Variants in CADM2 observed in about 807,000 individuals in gnomAD.
CADM2 encodes the protein immunoglobulin superfamily member 4D.
In CADM2, 12 loss-of-function variants were observed where a neutral mutation model predicts 49.8. The observed-to-expected ratio is 0.24, with a 90% CI of 0.15 to 0.39. The LOEUF is 0.39. CADM2 is among the 10% of genes least tolerant of loss of function. The probability of loss-of-function intolerance (pLI) is 1.00; values close to 1 mark genes in which losing one functional copy is unlikely to be tolerated. For synonymous variants in CADM2, 214 were observed against 175.4 expected (o/e 1.22, Z -1.74); for missense variants, 378 against 492.3 (o/e 0.77, Z 2.20).
chr3:85,916,438 T>A (rs2108491651), intron 6 of CADM2, among the ~76,000 whole-genome samples: 1 of 151,702 alleles, frequency 6.6e-6, no homozygotes, highest in South Asian at 2.1e-4. Flanking sequence ...TTTTTGTCCT[T>A]GAGATAGTTT....
chr3:85,605,402 G>A (rs1475365702), intron 1 of CADM2, among the ~76,000 whole-genome samples: 1 of 151,972 alleles, frequency 6.6e-6, no homozygotes, highest in Non-Finnish European at 1.5e-5. Flanking sequence ...TTAAGAACTT[G>A]GGTCATTTCT....
intron 8 of CADM2, among the ~76,000 whole-genome samples, chr3:85,971,866 C>T (rs2875508): frequency 0.048 from 7,283 of 151,598 alleles, 266 homozygotes; most frequent in East Asian, 0.13. Context: ...TGACAGTTAC[C>T]GCCTACAGTT....
intron 3 of CADM2, among the ~76,000 whole-genome samples, chr3:85,855,621 C>CATATATATATATATATATATATATATAT (rs142144366): frequency 5.6e-5 from 3 of 53,988 alleles, no homozygotes; most frequent in African/African-American, 1.4e-4. Flanking sequence ...ATATATAAAA[C>CATATATATATATATATATATATATATAT]ATATATATAT....
chr3:85,703,083 A>G (rs1413676941), intron 1 of CADM2, among the ~76,000 whole-genome samples: 1 of 152,206 alleles, frequency 6.6e-6, no homozygotes, highest in African/African-American at 2.4e-5. Context: ...CATGTAGACA[A>G]ATATATAAAT....
intron 2 of CADM2, among the ~76,000 whole-genome samples, chr3:85,774,075 T>G (rs1226349191): frequency 2.6e-5 from 4 of 151,892 alleles, no homozygotes; most frequent in Non-Finnish European, 4.4e-5. Flanking sequence ...ATCCTTTATC[T>G]ACATTTTTAA....
At chr3:85,817,008 G>T (rs2073248774) in intron 3 of CADM2, among the ~76,000 whole-genome samples, 1 of 152,086 alleles carries the variant, frequency 6.6e-6, no homozygotes, top group Non-Finnish European at 1.5e-5. Context: ...TTTAAATTGT[G>T]TGAGCATGAA....
At chr3:85,556,797 G>A (rs963038946) in intron 1 of CADM2, among the ~76,000 whole-genome samples, 15 of 152,086 alleles carry the variant, frequency 9.9e-5, no homozygotes, top group Admixed American at 9.2e-4. Flanking sequence ...GCAACTATAT[G>A]TTGATTTACA....
intron 1 of CADM2, among the ~76,000 whole-genome samples, chr3:85,635,811 A>G (rs1489529670): frequency 2.6e-5 from 4 of 152,210 alleles, no homozygotes; most frequent in Non-Finnish European, 4.4e-5. Context: ...CATGCACAGT[A>G]TAATGATATT....
At chr3:85,111,138 T>C (rs879518656) in intron 1 of CADM2, among the ~76,000 whole-genome samples, 1 of 151,910 alleles carries the variant, frequency 6.6e-6, no homozygotes, top group Admixed American at 6.6e-5. Flanking sequence ...AGTATCTGCT[T>C]TCCTTCTTGT....
chr3:85,094,023 T>C (rs1018322891), intron 1 of CADM2, among the ~76,000 whole-genome samples: 3 of 152,200 alleles, frequency 2.0e-5, no homozygotes, highest in South Asian at 4.1e-4. Flanking sequence ...ACTAGTGTAA[T>C]AGGTTTCCAT....
At chr3:85,232,662 GTGAAAAAAAAC>G (rs908790694) in intron 1 of CADM2, among the ~76,000 whole-genome samples, 2 of 151,236 alleles carry the variant, frequency 1.3e-5, no homozygotes, top group Non-Finnish European at 2.9e-5. Context: ...GAATAAACAT[GTGAAAAAAAAC>G]ACCCTATATT....
chr3:85,715,205 T>G (rs2067247716), intron 1 of CADM2, among the ~76,000 whole-genome samples: 1 of 152,240 alleles, frequency 6.6e-6, no homozygotes, highest in Non-Finnish European at 1.5e-5. Flanking sequence ...CTCTTAGTGG[T>G]AGATACCATC....
chr3:85,115,273 A>C (rs1471776586), intron 1 of CADM2, among the ~76,000 whole-genome samples: 2 of 152,200 alleles, frequency 1.3e-5, no homozygotes, highest in African/African-American at 4.8e-5. Flanking sequence ...GCAGAATTTT[A>C]AAATGACCCT....
intron 1 of CADM2, among the ~76,000 whole-genome samples, chr3:85,251,386 C>A (rs2042771487): frequency 6.6e-6 from 1 of 151,692 alleles, no homozygotes; most frequent in South Asian, 2.1e-4. Context: ...GTTACAGAAA[C>A]AGATAAAAAT....
At chr3:85,962,626 C>A (rs373481968) in intron 8 of CADM2, among the ~76,000 whole-genome samples, 1 of 151,906 alleles carries the variant, frequency 6.6e-6, no homozygotes, top group African/African-American at 2.4e-5. Context: ...TGAATTTTTA[C>A]GAGATTGATG....
intron 8 of CADM2, chr3:85,979,036 C>A: frequency 1.0e-6 from 1 of 992,522 alleles, no homozygotes; most frequent in Non-Finnish European, 1.5e-6. Context: ...AGTTTTGTAC[C>A]TGATATTCTG....
At chr3:85,855,119 C>G (rs1358167305) in intron 3 of CADM2, among the ~76,000 whole-genome samples, 1 of 152,116 alleles carries the variant, frequency 6.6e-6, no homozygotes, top group Non-Finnish European at 1.5e-5. Flanking sequence ...CTTTCCTCCA[C>G]TCTCCAGAAC....
chr3:85,306,439 T>C (rs566786333), intron 1 of CADM2, among the ~76,000 whole-genome samples: 2 of 151,738 alleles, frequency 1.3e-5, no homozygotes, highest in Non-Finnish European at 3.0e-5. Context: ...TATTGAATAG[T>C]ATTAAGTTAC....
intron 1 of CADM2, among the ~76,000 whole-genome samples, chr3:85,645,293 TG>T (rs2064848977): frequency 3.3e-5 from 5 of 152,202 alleles, no homozygotes; most frequent in African/African-American, 1.2e-4. Flanking sequence ...ATGACAAAAT[TG>T]TTGCAGCAGT....
Sources: gnomAD v4.1 joint callset for allele counts (sites outside exome capture counted in the v4.1 genomes callset) on GRCh38, gnomAD v4.1.1 for gene constraint, MANE v1.5 for transcripts, NCBI Gene and HGNC (gene_info 2026-07-23, HGNC 2026-07-21) for gene names.